Variants in STAC observed in about 807,000 individuals in gnomAD.
The protein encoded by STAC is SH3 and cysteine rich domain.
In STAC, 43 loss-of-function variants were observed where a neutral mutation model predicts 48.8. The observed-to-expected ratio is 0.88, with a 90% CI of 0.69 to 1.14. STAC has a LOEUF of 1.14. STAC is among the 50% of genes most tolerant of loss of function. The pLI, the probability that STAC is intolerant of heterozygous loss-of-function variation, is 0.00. For synonymous variants in STAC, 193 were observed against 179.5 expected (o/e 1.07, Z -0.60); for missense variants, 497 against 504.0 (o/e 0.99, Z 0.13).
At chr3:36,415,764 A>G (rs1159240934) in intron 1 of STAC, among the ~76,000 whole-genome samples, 1 of 152,206 alleles carries the variant, frequency 6.6e-6, no homozygotes, top group Admixed American at 6.5e-5. Flanking sequence ...GAACCGCCCT[A>G]GATATTTAAC....
At chr3:36,508,627 T>C (rs1308539093) in intron 8 of STAC, among the ~76,000 whole-genome samples, 7 of 152,050 alleles carry the variant, frequency 4.6e-5, no homozygotes, top group Non-Finnish European at 7.4e-5. Context: ...CATATATATT[T>C]AGGGTAGCTC....
At position 36,528,924 on chromosome 3, in the gene STAC, G is replaced by C; in HGVS notation, c.1049G>C (p.Arg350Thr). 6.2e-7 allele frequency: 1 copy of C among 1,613,760 alleles called. No homozygotes were observed. The change falls in exon 10 of 11, where the codon AGA becomes ACA. Residue 350 changes from arginine to threonine, a missense_variant. Coordinates refer to ENST00000273183, the MANE Select transcript of STAC (RefSeq NM_003149.3). ...QRLQQNEKIF[R>T]CVRTFIGCKE... is the part of the protein sequence containing the mutation. ...CTACAACAAAATGAGAAGATTTTTA[G>C]ATGTGTTAGAACCTTCATTGGGTGT...
intron 2 of STAC, among the ~76,000 whole-genome samples, chr3:36,468,617 T>C (rs1245294489): frequency 6.7e-6 from 1 of 148,190 alleles, no homozygotes; most frequent in Non-Finnish European, 1.5e-5. Context: ...TATATTTATA[T>C]ATTTATAGGT....
intron 2 of STAC, among the ~76,000 whole-genome samples, chr3:36,481,287 T>A (rs183656618): frequency 6.6e-6 from 1 of 152,342 alleles, no homozygotes; most frequent in East Asian, 1.9e-4. Context: ...GCCAGTATGA[T>A]GAGCACCTTA....
intron 7 of STAC, among the ~76,000 whole-genome samples, 190 bp downstream of exon 7, chr3:36,504,647 A>C (rs1292136086): frequency 6.6e-6 from 1 of 152,194 alleles, no homozygotes; most frequent in Non-Finnish European, 1.5e-5. Context: ...AGGTAAAAAG[A>C]GTAAGCATTG....
chr3:36,436,456 T>A (rs1389498391), intron 1 of STAC, among the ~76,000 whole-genome samples: 1 of 152,004 alleles, frequency 6.6e-6, no homozygotes, highest in Non-Finnish European at 1.5e-5. Context: ...ACCCTTGACA[T>A]CTCTGCTCTT....
chr3:36,470,556 G>A (rs766077687), intron 2 of STAC, among the ~76,000 whole-genome samples: 5 of 152,226 alleles, frequency 3.3e-5, no homozygotes, highest in Admixed American at 6.5e-5. Context: ...GCCAGGAGGT[G>A]GCACCTTCAA....
At chr3:36,468,669 T>C (rs1697241274) in intron 2 of STAC, among the ~76,000 whole-genome samples, 1 of 148,178 alleles carries the variant, frequency 6.7e-6, no homozygotes, top group Non-Finnish European at 1.5e-5. Flanking sequence ...TTTAGGATTG[T>C]GATACTTTCC....
intron 1 of STAC, among the ~76,000 whole-genome samples, chr3:36,399,732 G>T (rs1027426490): frequency 1.3e-5 from 2 of 152,086 alleles, no homozygotes; most frequent in African/African-American, 4.8e-5. Context: ...TAACTTACTC[G>T]AGAATCTTGG....
chr3:36,404,568 TAGTA>T (rs1353341149), intron 1 of STAC, among the ~76,000 whole-genome samples: 1 of 152,238 alleles, frequency 6.6e-6, no homozygotes, highest in East Asian at 1.9e-4. Flanking sequence ...CAGCAAAAAT[TAGTA>T]AGGCCTCAAA....
intron 1 of STAC, among the ~76,000 whole-genome samples, chr3:36,382,944 A>G (rs1699542956): frequency 6.6e-6 from 1 of 152,222 alleles, no homozygotes; most frequent in Non-Finnish European, 1.5e-5. Context: ...TGGGACAAAC[A>G]TGGTTCAGGC....
At chr3:36,384,302 T>C (rs1699571776) in intron 1 of STAC, among the ~76,000 whole-genome samples, 1 of 152,064 alleles carries the variant, frequency 6.6e-6, no homozygotes, top group Non-Finnish European at 1.5e-5. Context: ...TATTGAGGAA[T>C]CACACCTCAA....
intron 2 of STAC, among the ~76,000 whole-genome samples, chr3:36,468,774 T>TGTGTG (rs1559503305): frequency 2.8e-5 from 4 of 142,460 alleles, no homozygotes; most frequent in South Asian, 2.2e-4. Context: ...GTGTGTGTGT[T>TGTGTG]TGTGTGTGTT....
At chr3:36,414,914 T>G (rs1453127854) in intron 1 of STAC, among the ~76,000 whole-genome samples, 2 of 152,230 alleles carry the variant, frequency 1.3e-5, no homozygotes, top group East Asian at 3.9e-4. Flanking sequence ...GCAGGTCTGT[T>G]GGAGTTTGCT....
intron 1 of STAC, among the ~76,000 whole-genome samples, chr3:36,438,815 G>A (rs1696231326): frequency 6.6e-6 from 1 of 152,168 alleles, no homozygotes; most frequent in Admixed American, 6.5e-5. Context: ...GCACAGGAGG[G>A]AGACAAGATT....
intron 5 of STAC, 102 bp downstream of exon 5, chr3:36,486,351 G>A: frequency 2.1e-6 from 2 of 964,316 alleles, no homozygotes; most frequent in Non-Finnish European, 3.0e-6. Flanking sequence ...CCTCATGAGG[G>A]CAGGTCTGCA....
At chr3:36,394,759 C>T (rs749448296) in intron 1 of STAC, among the ~76,000 whole-genome samples, 5 of 151,596 alleles carry the variant, frequency 3.3e-5, no homozygotes, top group African/African-American at 1.2e-4. Context: ...TAGCCGGGTG[C>T]GGTGGTGCAC....
intron 1 of STAC, among the ~76,000 whole-genome samples, chr3:36,392,853 T>G (rs1699782736): frequency 6.6e-6 from 1 of 152,228 alleles, no homozygotes; most frequent in African/African-American, 2.4e-5. Flanking sequence ...CAGGGAGGTC[T>G]CATCTGCTAG....
At chr3:36,406,424 C>T (rs1195537795) in intron 1 of STAC, among the ~76,000 whole-genome samples, 1 of 152,218 alleles carries the variant, frequency 6.6e-6, no homozygotes, top group Non-Finnish European at 1.5e-5. Flanking sequence ...GGCCTATACT[C>T]TCACATCTAC....
Sources: allele counts gnomAD v4.1 joint callset (sites outside exome capture counted in the v4.1 genomes callset), GRCh38; gene constraint gnomAD v4.1.1; transcripts MANE v1.5; gene names NCBI Gene and HGNC (gene_info 2026-07-23, HGNC 2026-07-21).